The following GRHPR variants were observed in gnomAD, a reference collection of about 807,000 sequenced individuals.
GRHPR encodes glyoxylate reductase/hydroxypyruvate reductase.
A neutral mutation model predicts 36.8 loss-of-function variants in GRHPR; 35 were observed. That is an observed-to-expected ratio of 0.95 (90% CI 0.73 to 1.26). The LOEUF (loss-of-function observed/expected upper bound fraction) is 1.26, where lower values mean the gene tolerates loss of function less well. Among genes scored for constraint, GRHPR ranks in the 50% most tolerant of loss-of-function variants. GRHPR has a pLI of 0.00. For synonymous variants in GRHPR, 179 were observed against 181.0 expected (o/e 0.99, Z 0.09); for missense variants, 380 against 435.0 (o/e 0.87, Z 1.12).
chr9:37,434,603 CCA>C lies in GRHPR; in HGVS notation c.866-2057_866-2056del, dbSNP rs1823546828. On this transcript the variant is annotated intron_variant, in intron 8 of 8. Transcript: ENST00000318158. Reference sequence around the variant, plus strand: ...TCAAGTTAATGAAGGCCATAGGACTCCAGTCCTTCCACCCCTTCAGAGTGACA... The same window carrying C: ...TCAAGTTAATGAAGGCCATAGGACTCGTCCTTCCACCCCTTCAGAGTGACA... The C allele has an allele frequency of 1.4e-5, 3 of 214,616 alleles. No individual in the cohort carries two copies. The South Asian group carries it at 3.4e-4, about 24-fold the overall frequency. The allele number at this position is 214,616 out of a possible 1,614,324, so 13.3% of individuals were successfully genotyped here.
At chr9:37,426,970 A>G (rs543878784) in intron 4 of GRHPR, among the ~76,000 whole-genome samples, 37 of 152,190 alleles carry the variant, frequency 2.4e-4, no homozygotes, top group African/African-American at 8.7e-4. Context: ...AAGAAAAATA[A>G]GTGAACGCCT....
downstream of GRHPR, chr9:37,436,995 G>T (rs956624284): frequency 5.8e-6 from 3 of 519,098 alleles, no homozygotes; most frequent in Non-Finnish European, 1.1e-5. Flanking sequence ...CTGAGAGACC[G>T]TCTTGGCCTG....
chr9:37,434,404 G>A (rs527326772), intron 8 of GRHPR: 1 of 520,588 alleles, frequency 1.9e-6, no homozygotes, highest in Non-Finnish European at 3.4e-6. Context: ...ACTATAGTAT[G>A]GAGAATGTCA....
In GRHPR at chr9:37,428,473, T is replaced by C; in HGVS notation, c.405-11T>C. On this transcript the variant is annotated splice_polypyrimidine_tract_variant and intron_variant, in intron 4 of 8. Coordinates refer to ENST00000318158, the MANE Select transcript of GRHPR (RefSeq NM_012203.2). Reference sequence around the variant, plus strand: ...GCTGGGCCTCTCACCTGCCCCTCTCTCTCCCCTCAGTGGTGGCTGGACCTC... The same window carrying C: ...GCTGGGCCTCTCACCTGCCCCTCTCCCTCCCCTCAGTGGTGGCTGGACCTC... The C allele has an allele frequency of 6.3e-7, 1 of 1,585,852 alleles. No homozygotes were observed.
intron 5 of GRHPR, chr9:37,428,810 G>C: frequency 1.5e-6 from 1 of 656,718 alleles, no homozygotes; most frequent in Non-Finnish European, 2.8e-6. Context: ...AAGGGTCAGG[G>C]GGCTTCATGA....
Position 37,436,609 on chromosome 9 carries a change from G to A in GRHPR, c.866-52G>A, listed in dbSNP as rs1823663861. Reference sequence around the variant, plus strand: ...AAGCCATGAAAACAGCCCAGCTGAAGGCTGCTGAACCACCCTTCTTATCTC... The same window carrying A: ...AAGCCATGAAAACAGCCCAGCTGAAAGCTGCTGAACCACCCTTCTTATCTC... On this transcript the variant is annotated intron_variant, in intron 8 of 8. Transcript: ENST00000318158. The A allele has an allele frequency of 1.9e-6, 3 of 1,610,422 alleles. No homozygotes were observed. The Admixed American group carries it at 5.0e-5, about 27-fold the overall frequency.
rs765438095 is a variant in GRHPR, at chr9:37,422,724, A to G, written c.-27A>G. The G allele has an allele frequency of 6.5e-6, 10 of 1,535,838 alleles. No homozygotes were observed. The highest frequency in any genetic ancestry group is 2.3e-4 in the Middle Eastern group (1 of 4,438). On this transcript the variant is annotated 5_prime_UTR_variant, in exon 1 of 9. Coordinates refer to ENST00000318158, the MANE Select transcript of GRHPR (RefSeq NM_012203.2). ...TTCCCGGGCCAGCTTCTGTACTGCC[A>G]GGTCCGGGTCGGCGGCTGCACTGCG...
chr9:37,437,884 A>C (rs775968315), downstream of GRHPR, among the ~76,000 whole-genome samples: 2 of 152,172 alleles, frequency 1.3e-5, no homozygotes, highest in Non-Finnish European at 2.9e-5. Context: ...GCCCTCAGAG[A>C]GCAACTGGGT....
chr9:37,424,965 G>A lies in GRHPR; in HGVS notation c.204G>A (p.Leu68=), dbSNP rs1274898001. Residue 68 remains leucine (L), a synonymous_variant, in exon 2 of 9, where the codon CTG becomes CTA. Transcript: ENST00000318158. The part of the protein sequence containing the change: ...LLSDHVDKRI[L]DAAGANLKVI... ...CCGACCACGTGGACAAGAGGATCCT[G>A]GATGCTGCAGGTGCACACTGGGTGG... The A allele has an allele frequency of 6.2e-7, 1 of 1,612,110 alleles. No homozygotes were observed. The highest frequency in any genetic ancestry group is 8.5e-7 in the Non-Finnish European group (1 of 1,179,866).
intron 7 of GRHPR, 29 bp downstream of exon 7, chr9:37,430,675 C>T: frequency 1.2e-6 from 2 of 1,606,884 alleles, no homozygotes; most frequent in East Asian, 2.2e-5. Flanking sequence ...ACCCAGCAAG[C>T]CTGGAGAGGA....
At chr9:37,425,814 T>G (rs962526288) in intron 2 of GRHPR, 108 bp from the exon 3 acceptor site, 21 of 762,310 alleles carry the variant, frequency 2.8e-5, no homozygotes, top group Non-Finnish European at 4.8e-5. Flanking sequence ...GATGTCAGCC[T>G]CTTATTCTAA....
chr9:37,437,168 A>G (rs778763012), downstream of GRHPR, among the ~76,000 whole-genome samples: 10 of 152,016 alleles, frequency 6.6e-5, no homozygotes, highest in Non-Finnish European at 1.5e-4. Flanking sequence ...AACCTGGGCA[A>G]TGTAGCAAGA....
chr9:37,426,726 G>T, intron 4 of GRHPR, 72 bp downstream of exon 4: 1 of 856,952 alleles, frequency 1.2e-6, no homozygotes, highest in South Asian at 1.3e-5. Flanking sequence ...AAAGTGAGCG[G>T]ATCATGAGGT....
chr9:37,436,655 T>A lies in GRHPR; in HGVS notation c.866-6T>A. 1 of 1,610,456 alleles carries A rather than the reference T, an allele frequency of 6.2e-7. No individual in the cohort carries two copies. The highest frequency in any genetic ancestry group is 8.5e-7 in the Non-Finnish European group (1 of 1,177,144). ...ATCTCCCTCTCTCTCTCTCTCTCCTTTCCAGTGATTCTGCCCCACATTGGC... is the reference window on the plus strand; with the variant it reads ...ATCTCCCTCTCTCTCTCTCTCTCCTATCCAGTGATTCTGCCCCACATTGGC... On this transcript the variant is annotated splice_polypyrimidine_tract_variant and splice_region_variant and intron_variant, in intron 8 of 8. Coordinates refer to ENST00000318158, the MANE Select transcript of GRHPR (RefSeq NM_012203.2).
rs139595138 is a variant in GRHPR at position 37,425,959 on chromosome 9, C to A, written c.252C>A (p.Gly84=). The A allele has an allele frequency of 1.4e-5, 22 of 1,613,556 alleles. No homozygotes were observed. The African/African-American group carries it at 2.8e-4, about 21-fold the overall frequency. Residue 84 remains glycine, a synonymous_variant, in exon 3 of 9, where the codon GGC becomes GGA. Transcript: ENST00000318158. ...NLKVISTMSV[G]IDHLALDEIK... Reference sequence around the variant, plus strand: ...AAGTCATCAGCACCATGTCTGTGGGCATCGACCACTTGGCTTTGGATGAAA... The same window carrying A: ...AAGTCATCAGCACCATGTCTGTGGGAATCGACCACTTGGCTTTGGATGAAA...
chr9:37,439,241 G>C (rs1364895483), downstream of GRHPR: 1 of 152,222 alleles, frequency 6.6e-6, no homozygotes, highest in Non-Finnish European at 1.5e-5. Flanking sequence ...AGGTGAGGCT[G>C]GGGAAGTGAG....
chr9:37,428,961 G>A, intron 5 of GRHPR: 1 of 364,320 alleles, frequency 2.7e-6, no homozygotes, highest in Non-Finnish European at 5.4e-6. Flanking sequence ...CCTAACTCGG[G>A]CCGGAGGGCT....
intron 8 of GRHPR, among the ~76,000 whole-genome samples, chr9:37,433,548 C>G (rs546946161): frequency 6.6e-6 from 1 of 152,132 alleles, no homozygotes; most frequent in East Asian, 1.9e-4. Context: ...CTTTTGAGTT[C>G]GTCAGAATCA....
intron 8 of GRHPR, chr9:37,434,108 G>A: frequency 2.5e-6 from 1 of 398,534 alleles, no homozygotes; most frequent in African/African-American, 2.1e-5. Flanking sequence ...TCTGAGGAGA[G>A]GGCAGTCAGG....
Sources: allele counts gnomAD v4.1 joint callset (sites outside exome capture counted in the v4.1 genomes callset), GRCh38; gene constraint gnomAD v4.1.1; transcripts MANE v1.5; gene names NCBI Gene and HGNC (gene_info 2026-07-23, HGNC 2026-07-21).